The following RAPGEF6 variants were observed in gnomAD, a reference collection of about 807,000 sequenced individuals.
The protein encoded by RAPGEF6 is Rap guanine nucleotide exchange factor 6, also known as PDZ domain containing guanine nucleotide exchange factor (GEF) 2.
In RAPGEF6, 56 loss-of-function variants were observed where a neutral mutation model predicts 171.4. That is an observed-to-expected ratio of 0.33 (90% CI 0.26 to 0.41). RAPGEF6 has a LOEUF of 0.41. Ranked by LOEUF, RAPGEF6 falls within the 10% of genes least tolerant of loss-of-function variation. RAPGEF6 has a pLI of 1.00. For synonymous variants in RAPGEF6, 692 were observed against 650.1 expected (o/e 1.06, Z -0.98); for missense variants, 1,674 against 1,921.4 (o/e 0.87, Z 2.41).
chr5:131,523,161 GAC>G (rs1418400580), intron 6 of RAPGEF6, among the ~76,000 whole-genome samples: 2 of 151,748 alleles, frequency 1.3e-5, no homozygotes, highest in African/African-American at 2.4e-5. Context: ...AGGGTTACCA[GAC>G]ACAGTCTCTA....
chr5:131,556,008 T>C (rs1761214321), intron 5 of RAPGEF6, among the ~76,000 whole-genome samples: 1 of 152,242 alleles, frequency 6.6e-6, no homozygotes, highest in African/African-American at 2.4e-5. Context: ...TAGGCAATTA[T>C]AACACAATGT....
intron 20 of RAPGEF6, among the ~76,000 whole-genome samples, 185 bp downstream of exon 20, chr5:131,455,616 C>T (rs1273731076): frequency 6.6e-6 from 1 of 152,084 alleles, no homozygotes; most frequent in African/African-American, 2.4e-5. Context: ...GAAAAAAGTA[C>T]TAATAAATAT....
chr5:131,521,326 A>C, intron 7 of RAPGEF6, 64 bp downstream of exon 7: 1 of 1,455,364 alleles, frequency 6.9e-7, no homozygotes, highest in Non-Finnish European at 9.2e-7. Flanking sequence ...TCTAAGGCAC[A>C]ATCACAGAAT....
chr5:131,558,902 C>T (rs865847372), intron 5 of RAPGEF6, among the ~76,000 whole-genome samples: 1 of 152,074 alleles, frequency 6.6e-6, no homozygotes, highest in Non-Finnish European at 1.5e-5. Flanking sequence ...GAAAAGTAGG[C>T]GTACTCTGTT....
intron 11 of RAPGEF6, among the ~76,000 whole-genome samples, chr5:131,501,474 T>G (rs982334271): frequency 1.1e-4 from 16 of 151,848 alleles, no homozygotes; most frequent in African/African-American, 3.9e-4. Flanking sequence ...AAGCAACCCA[T>G]CAGCATGCAA....
Position 131,592,386 on chromosome 5 carries a change from C to T in RAPGEF6, c.278G>A (p.Cys93Tyr). 6.2e-7 allele frequency: 1 copy of T among 1,613,480 alleles called. No homozygotes were observed. Among genetic ancestry groups the T allele is most frequent in the Non-Finnish European group, 8.5e-7 (1 of 1,179,660 alleles). ...CATATAGCAAATGTAAACGTACCTG[C>T]AAGGAGGCAAGACCATGGAGCCTTT... is the stretch of plus-strand genomic sequence containing the variant. Reference protein sequence around the residue: ...LVKGSMVLPPCSFGKQFGGKR... With the variant: ...LVKGSMVLPPYSFGKQFGGKR... Residue 93 changes from cysteine to tyrosine, a missense_variant, in exon 4 of 28, where the codon TGC (cysteine) becomes TAC (tyrosine). Physicochemically the swap from Cys to Tyr is radical, Grantham distance 194. Transcript: ENST00000509018.
At position 131,498,625 on chromosome 5, in the gene RAPGEF6, G is replaced by A; in HGVS notation, c.1255-18C>T. ...GGTGTTGCCTAAAAATCCAAGGATA[G>A]GAAGGATTAGAAAATAAACAAATGA... On this transcript the variant is annotated intron_variant, in intron 11 of 27. Coordinates refer to ENST00000509018, the MANE Select transcript of RAPGEF6 (RefSeq NM_016340.6). 1 of 1,605,282 alleles carries A rather than the reference G, an allele frequency of 6.2e-7. No homozygotes were observed. The highest frequency in any genetic ancestry group is 2.2e-5 in the East Asian group (1 of 44,734).
At chr5:131,511,608 C>A (rs1162732538) in intron 7 of RAPGEF6, among the ~76,000 whole-genome samples, 1 of 151,522 alleles carries the variant, frequency 6.6e-6, no homozygotes, top group African/African-American at 2.4e-5. Context: ...GAAATCCTCT[C>A]TCCTGAACGC....
chr5:131,546,345 C>G (rs1194343533), intron 6 of RAPGEF6, among the ~76,000 whole-genome samples: 1 of 152,160 alleles, frequency 6.6e-6, no homozygotes, highest in Non-Finnish European at 1.5e-5. Context: ...GTGGCTCATG[C>G]CTGTAATCCC....
chr5:131,484,653 A>C (rs1755750527), intron 15 of RAPGEF6, among the ~76,000 whole-genome samples: 1 of 152,236 alleles, frequency 6.6e-6, no homozygotes, highest in Admixed American at 6.5e-5. Flanking sequence ...ATAAAAGTAC[A>C]AAGAATTTTT....
At chr5:131,580,240 G>A (rs542890806) in intron 4 of RAPGEF6, among the ~76,000 whole-genome samples, 13 of 152,308 alleles carry the variant, frequency 8.5e-5, no homozygotes, top group African/African-American at 2.6e-4. Context: ...GGCAGTGCTG[G>A]GGGAACCAGC....
Position 131,489,653 on chromosome 5 carries a change from A to T in RAPGEF6, c.1733T>A (p.Ile578Asn). 6.7e-7 allele frequency: 1 copy of T among 1,498,054 alleles called. No homozygotes were observed. Among genetic ancestry groups the T allele is most frequent in the Non-Finnish European group, 9.2e-7 (1 of 1,090,848 alleles). 92.8% of individuals were successfully genotyped at this position (1,498,054 alleles called of 1,614,324 possible). A position where few individuals can be genotyped will look rare whatever the true frequency, so the allele number is the denominator to read the frequency against. ...AAAGTTTTGTCCATTTACTTCCATA[A>T]TCTTAAAAGTATTTAAAAAATACAA... ...ADSGLKRGDQ[I>N]MEVNGQNFEN... The change falls in exon 15 of 28, where the codon ATT becomes AAT. Residue 578 changes from isoleucine (I) to asparagine (N), a missense_variant and splice_region_variant. Coordinates refer to ENST00000509018, the MANE Select transcript of RAPGEF6 (RefSeq NM_016340.6).
chr5:131,554,291 A>G (rs1761097548), intron 5 of RAPGEF6, among the ~76,000 whole-genome samples: 1 of 152,220 alleles, frequency 6.6e-6, no homozygotes, highest in Non-Finnish European at 1.5e-5. Flanking sequence ...GATCTTCAGG[A>G]AAGAATTTTT....
intron 1 of RAPGEF6, among the ~76,000 whole-genome samples, chr5:131,607,149 T>C (rs1381584036): frequency 2.0e-5 from 3 of 152,106 alleles, no homozygotes; most frequent in Non-Finnish European, 4.4e-5. Context: ...GCCGTCACAA[T>C]GGAAAAAGCC....
Position 131,519,395 on chromosome 5 carries a change from T to C in RAPGEF6, c.627+1995A>G, listed in dbSNP as rs533917084. Among the ~76,000 whole-genome samples, 30 of 152,152 alleles carry C rather than the reference T, an allele frequency of 2.0e-4. No individual in the cohort carries two copies. In the South Asian group the frequency reaches 6.2e-3, roughly 32 times the overall value. On this transcript the variant is annotated intron_variant, in intron 7 of 27. Transcript: ENST00000509018. ...TCCCAGTGATACCAGGTTCTTATAGTTTTTCTTGTCTTTTCTTCTTTTTTG... is the reference window on the plus strand; with the variant it reads ...TCCCAGTGATACCAGGTTCTTATAGCTTTTCTTGTCTTTTCTTCTTTTTTG...
chr5:131,429,366 TAA>T (rs1397028953), intron 26 of RAPGEF6, 150 bp from the exon 27 acceptor site: 2 of 702,790 alleles, frequency 2.8e-6, no homozygotes, highest in Non-Finnish European at 2.3e-6. Context: ...AAACATTTTT[TAA>T]AAGTTTAATA....
intron 14 of RAPGEF6, among the ~76,000 whole-genome samples, chr5:131,492,316 T>C (rs1010438320): frequency 6.6e-6 from 1 of 152,170 alleles, no homozygotes; most frequent in African/African-American, 2.4e-5. Context: ...CCATGAAGGA[T>C]AGGCAGGCCC....
At chr5:131,529,854 C>T (rs550328766) in intron 6 of RAPGEF6, among the ~76,000 whole-genome samples, 2 of 150,156 alleles carry the variant, frequency 1.3e-5, no homozygotes, top group South Asian at 4.2e-4. Context: ...GCCATGATTA[C>T]ACCACTGCAC....
At chr5:131,430,609 A>G in intron 26 of RAPGEF6, 1 of 604,762 alleles carries the variant, frequency 1.7e-6, no homozygotes, top group Non-Finnish European at 3.0e-6. Context: ...TAAAAACAAA[A>G]GACAAACAAA....
Sources: allele counts gnomAD v4.1 joint callset (sites outside exome capture counted in the v4.1 genomes callset), GRCh38; gene constraint gnomAD v4.1.1; transcripts MANE v1.5; gene names NCBI Gene and HGNC (gene_info 2026-07-23, HGNC 2026-07-21).